SIK3: variants seen among roughly 807,000 people sequenced by gnomAD.
SIK3 encodes the protein SIK family kinase 3.
Under a neutral mutation model 144.2 loss-of-function variants are expected in SIK3, and 28 were observed. The ratio of observed to expected loss-of-function variants is 0.19; its 90% CI spans 0.14 to 0.27. The LOEUF is 0.27. SIK3 is among the 10% of genes least tolerant of loss of function. The pLI is 1.00. For synonymous variants in SIK3, 686 were observed against 676.3 expected (o/e 1.01, Z -0.22); for missense variants, 1,319 against 1,776.0 (o/e 0.74, Z 4.62).
chr11:116,885,196 C>T (rs1030974438), intron 6 of SIK3, among the ~76,000 whole-genome samples: 1 of 152,158 alleles, frequency 6.6e-6, no homozygotes, highest in Non-Finnish European at 1.5e-5. Context: ...AGGGAGATGG[C>T]CTGGAACACT....
At chr11:116,968,966 G>A (rs1312619317) in intron 1 of SIK3, among the ~76,000 whole-genome samples, 1 of 152,022 alleles carries the variant, frequency 6.6e-6, no homozygotes, top group Admixed American at 6.6e-5. Flanking sequence ...AGATCCAAAA[G>A]AATCTCCAGA....
intron 6 of SIK3, among the ~76,000 whole-genome samples, chr11:116,889,141 G>A (rs944199091): frequency 1.3e-5 from 2 of 152,232 alleles, no homozygotes; most frequent in Non-Finnish European, 2.9e-5. Flanking sequence ...CTTATTACCT[G>A]TGTGGCTTTG....
chr11:116,984,328 T>C (rs1950253449), intron 1 of SIK3, among the ~76,000 whole-genome samples: 1 of 152,208 alleles, frequency 6.6e-6, no homozygotes, highest in African/African-American at 2.4e-5. Context: ...TTTATTGTTA[T>C]TCATCTTGAG....
At chr11:117,072,315 G>A (rs1954317062) in intron 1 of SIK3, among the ~76,000 whole-genome samples, 1 of 152,046 alleles carries the variant, frequency 6.6e-6, no homozygotes, top group Non-Finnish European at 1.5e-5. Context: ...TTGAACCAGG[G>A]AGGCAGAAAT....
chr11:116,894,770 C>T (rs1170812618), intron 6 of SIK3, among the ~76,000 whole-genome samples: 1 of 152,160 alleles, frequency 6.6e-6, no homozygotes, highest in Non-Finnish European at 1.5e-5. Flanking sequence ...TGGTAGGTAG[C>T]ATCTCTTGAA....
chr11:117,027,895 T>C (rs189215770), intron 1 of SIK3, among the ~76,000 whole-genome samples: 39 of 152,280 alleles, frequency 2.6e-4, no homozygotes, highest in Admixed American at 6.5e-4. Flanking sequence ...ACCAAGTAAA[T>C]TGATCTTGTA....
At chr11:116,863,560 TG>T (rs1943465964) in intron 16 of SIK3, 107 bp downstream of exon 16, 1 of 1,495,408 alleles carries the variant, frequency 6.7e-7, no homozygotes, top group Admixed American at 1.8e-5. Flanking sequence ...CCTATAAAAC[TG>T]CAATGTTGCT....
chr11:117,009,286 C>G (rs1430782618), intron 1 of SIK3, among the ~76,000 whole-genome samples: 1 of 150,140 alleles, frequency 6.7e-6, no homozygotes, highest in Non-Finnish European at 1.5e-5. Flanking sequence ...TAGCTCATGC[C>G]TGTAATCCCA....
At chr11:116,932,851 C>T (rs1428500316) in intron 3 of SIK3, among the ~76,000 whole-genome samples, 10 of 152,106 alleles carry the variant, frequency 6.6e-5, no homozygotes, top group Admixed American at 6.5e-4. Context: ...AGCTGGACTG[C>T]AGTGGCAAGA....
At chr11:116,970,336 C>T (rs1165663918) in intron 1 of SIK3, among the ~76,000 whole-genome samples, 1 of 152,078 alleles carries the variant, frequency 6.6e-6, no homozygotes, top group Non-Finnish European at 1.5e-5. Context: ...ATTCCTAATT[C>T]GAACTCTGGG....
intron 5 of SIK3, among the ~76,000 whole-genome samples, chr11:116,896,627 G>C (rs1432589327): frequency 6.6e-6 from 1 of 152,140 alleles, no homozygotes; most frequent in African/African-American, 2.4e-5. Context: ...CTCTCTTCTT[G>C]GCAACGGCCC....
chr11:116,881,694 G>A (rs1315975491), intron 6 of SIK3, among the ~76,000 whole-genome samples: 2 of 152,050 alleles, frequency 1.3e-5, no homozygotes, highest in East Asian at 3.9e-4. Context: ...GCAAAAATGA[G>A]AGAAAGATAC....
chr11:116,927,245 TC>T lies in SIK3; in HGVS notation c.589del (p.Asp197MetfsTer4). On this transcript the variant is annotated frameshift_variant, in exon 4 of 25. Coordinates refer to ENST00000445177, the MANE Select transcript of SIK3 (RefSeq NM_001366686.3). LOFTEE classifies it high-confidence loss of function. ...RDLKAENLLL[D>X]ANLNIKIADF... is the part of the protein sequence containing the mutation. ...TGCTATTTTGATATTCAGATTGGCA[TC>T]CAGAAGTAAATTTTCAGCTTTTAAA... 6.2e-7 allele frequency: 1 copy of T among 1,614,074 alleles called. No individual in the cohort carries two copies. The highest frequency in any genetic ancestry group is 8.5e-7 in the Non-Finnish European group (1 of 1,179,938).
chr11:116,924,003 C>T (rs191732809), intron 4 of SIK3, among the ~76,000 whole-genome samples: 1 of 152,188 alleles, frequency 6.6e-6, no homozygotes, highest in East Asian at 1.9e-4. Context: ...CCTTAACAGC[C>T]GGGCGTGGTG....
At chr11:116,935,601 G>A (rs957189586) in intron 3 of SIK3, among the ~76,000 whole-genome samples, 1 of 152,148 alleles carries the variant, frequency 6.6e-6, no homozygotes, top group Non-Finnish European at 1.5e-5. Flanking sequence ...TTTCAAAAAT[G>A]TTATTCAAGT....
In SIK3 at chr11:116,910,431, T is replaced by C. The variant is rs940238574; in HGVS notation, c.617-13114A>G. On this transcript the variant is annotated intron_variant, in intron 4 of 24. Coordinates refer to ENST00000445177, the MANE Select transcript of SIK3 (RefSeq NM_001366686.3). ...TCCCCATTTTTTTTTAAGAATCTAT[T>C]TTTTTTCTGATTATAATCTTTAAGT... Among the ~76,000 whole-genome samples, 23 of 152,178 alleles carry C rather than the reference T, an allele frequency of 1.5e-4. 1 individual carries two copies. Among genetic ancestry groups the C allele is most frequent in the Non-Finnish European group, 7.3e-5 (5 of 68,030 alleles).
chr11:116,878,618 G>T (rs1412004562), intron 6 of SIK3, among the ~76,000 whole-genome samples: 2 of 152,156 alleles, frequency 1.3e-5, no homozygotes, highest in Non-Finnish European at 2.9e-5. Flanking sequence ...GACCTCAAGT[G>T]ATCCGCCTGC....
chr11:116,887,630 A>T (rs1260651676), intron 6 of SIK3, among the ~76,000 whole-genome samples: 2 of 151,980 alleles, frequency 1.3e-5, no homozygotes, highest in African/African-American at 2.4e-5. Context: ...AAAAAAAACA[A>T]GAGTCTGATA....
intron 1 of SIK3, among the ~76,000 whole-genome samples, chr11:117,091,177 T>A (rs1335349269): frequency 3.4e-5 from 5 of 148,340 alleles, no homozygotes; most frequent in Non-Finnish European, 7.4e-5. Flanking sequence ...TAAAAGTCCG[T>A]AAAATCCTGA....
Sources: gnomAD v4.1 joint callset for allele counts (sites outside exome capture counted in the v4.1 genomes callset) on GRCh38, gnomAD v4.1.1 for gene constraint, MANE v1.5 for transcripts, NCBI Gene and HGNC (gene_info 2026-07-23, HGNC 2026-07-21) for gene names.